Variants in FARS2 observed in about 807,000 individuals in gnomAD.
The protein encoded by FARS2 is phenylalanyl-tRNA synthetase 2, mitochondrial, also known as phenylalanine--tRNA ligase, mitochondrial.
In FARS2, 40 loss-of-function variants were observed where a neutral mutation model predicts 46.4. The observed-to-expected ratio is 0.86, with a 90% CI of 0.67 to 1.12. FARS2 has a LOEUF of 1.12. FARS2 is among the 50% of genes most tolerant of loss of function. The pLI, the probability that FARS2 is intolerant of heterozygous loss-of-function variation, is 0.00. For missense variants in FARS2, 513 were observed against 567.9 expected, an observed-to-expected ratio of 0.90 and a Z score of 0.98; for synonymous variants, 234 against 214.9, an observed-to-expected ratio of 1.09 and a Z score of -0.78.
chr6:5,561,092 C>T (rs1771954194), intron 5 of FARS2, among the ~76,000 whole-genome samples: 1 of 152,172 alleles, frequency 6.6e-6, no homozygotes, highest in African/African-American at 2.4e-5. Context: ...GATCATGCCA[C>T]TGCACGCCAG....
intron 2 of FARS2, among the ~76,000 whole-genome samples, chr6:5,382,427 C>G (rs570273293): frequency 6.6e-6 from 1 of 152,190 alleles, no homozygotes; most frequent in African/African-American, 2.4e-5. Context: ...GTATCCCTCT[C>G]CTTTGGTAAT....
At chr6:5,607,281 A>ATGTG (rs752038841) in intron 5 of FARS2, among the ~76,000 whole-genome samples, 69 of 147,490 alleles carry the variant, frequency 4.7e-4, no homozygotes, top group African/African-American at 1.7e-3. Context: ...AAAGAATAAT[A>ATGTG]TGTATGTGTG....
At chr6:5,760,711 T>C (rs992774371) in intron 6 of FARS2, among the ~76,000 whole-genome samples, 1 of 152,256 alleles carries the variant, frequency 6.6e-6, no homozygotes, top group Non-Finnish European at 1.5e-5. Flanking sequence ...TTGCGATTCC[T>C]TGGACTGGTC....
At chr6:5,260,822 C>G, upstream of FARS2, 3 of 1,524,762 alleles carry the variant, frequency 2.0e-6, no homozygotes, top group Non-Finnish European at 2.6e-6. Flanking sequence ...GCGGAAACCA[C>G]GAACGAAATA....
chr6:5,443,067 T>C (rs200201), intron 4 of FARS2, among the ~76,000 whole-genome samples: 86,930 of 152,054 alleles, frequency 0.57, 25,590 homozygotes, highest in Non-Finnish European at 0.64. Flanking sequence ...AGGTCTTGTA[T>C]GCTTGCCAGA....
intron 6 of FARS2, among the ~76,000 whole-genome samples, chr6:5,690,277 C>A (rs1475860996): frequency 2.0e-5 from 3 of 152,100 alleles, no homozygotes; most frequent in African/African-American, 7.2e-5. Flanking sequence ...TAGTTGATGC[C>A]GTTTCTTCCT....
chr6:5,616,296 T>C (rs1477194419), intron 6 of FARS2, among the ~76,000 whole-genome samples: 1 of 152,174 alleles, frequency 6.6e-6, no homozygotes, highest in African/African-American at 2.4e-5. Flanking sequence ...AGAAAGAAAT[T>C]TCCAGGAGTT....
chr6:5,515,733 A>G (rs1468668338), intron 4 of FARS2, among the ~76,000 whole-genome samples: 4 of 152,170 alleles, frequency 2.6e-5, no homozygotes, highest in African/African-American at 4.8e-5. Context: ...CCAGCCCAGC[A>G]TTTGATTTTG....
intron 1 of FARS2, among the ~76,000 whole-genome samples, chr6:5,278,531 C>A (rs113395105): frequency 1.3e-5 from 2 of 151,988 alleles, no homozygotes; most frequent in East Asian, 3.9e-4. Context: ...TTGAAAGAAG[C>A]CTTATTTTTA....
chr6:5,553,149 C>CT (rs1317941103), intron 5 of FARS2, among the ~76,000 whole-genome samples: 5 of 152,182 alleles, frequency 3.3e-5, no homozygotes, highest in African/African-American at 7.2e-5. Context: ...TGGCTGTTAT[C>CT]TTTTTTGCCA....
intron 5 of FARS2, among the ~76,000 whole-genome samples, chr6:5,601,339 T>C (rs759562653): frequency 2.6e-5 from 4 of 151,626 alleles, no homozygotes; most frequent in East Asian, 3.9e-4. Flanking sequence ...CTGACCAACA[T>C]GGAGAAACCC....
intron 6 of FARS2, among the ~76,000 whole-genome samples, chr6:5,679,696 A>T (rs1358225625): frequency 1.3e-5 from 2 of 151,986 alleles, no homozygotes; most frequent in African/African-American, 2.4e-5. Flanking sequence ...ATAATCTCTT[A>T]CTCTCCATCC....
chr6:5,593,290 C>T (rs1774019524), intron 5 of FARS2, among the ~76,000 whole-genome samples: 2 of 137,694 alleles, frequency 1.5e-5, no homozygotes, highest in African/African-American at 7.2e-5. Context: ...AGGAACTGCA[C>T]CTCCCGCCCC....
intron 1 of FARS2, among the ~76,000 whole-genome samples, chr6:5,279,994 C>G (rs1265196033): frequency 6.6e-6 from 1 of 152,362 alleles, no homozygotes; most frequent in South Asian, 2.1e-4. Flanking sequence ...CTAACCGTTA[C>G]ACTAGGCAAA....
intron 1 of FARS2, among the ~76,000 whole-genome samples, chr6:5,306,913 T>G (rs1200418431): frequency 5.9e-5 from 9 of 151,430 alleles, no homozygotes; most frequent in African/African-American, 2.2e-4. Flanking sequence ...ATTTTTTAAC[T>G]GATAAATACG....
chr6:5,659,175 A>G (rs985203213), intron 6 of FARS2, among the ~76,000 whole-genome samples: 2 of 152,200 alleles, frequency 1.3e-5, no homozygotes, highest in African/African-American at 4.8e-5. Context: ...CTGCTTGTTC[A>G]CATGGTTAAT....
chr6:5,592,521 C>T (rs1231361352), intron 5 of FARS2, among the ~76,000 whole-genome samples: 2 of 152,146 alleles, frequency 1.3e-5, no homozygotes, highest in African/African-American at 4.8e-5. Context: ...CCCTTGAAAA[C>T]AGTGGTGTGA....
intron 4 of FARS2, among the ~76,000 whole-genome samples, chr6:5,507,598 C>A (rs764474077): frequency 2.6e-5 from 4 of 152,120 alleles, no homozygotes; most frequent in Admixed American, 2.6e-4. Context: ...TTTAAGAGAA[C>A]GTGAAGAGGA....
At chr6:5,420,895 T>C (rs1233617142) in intron 3 of FARS2, among the ~76,000 whole-genome samples, 1 of 152,032 alleles carries the variant, frequency 6.6e-6, no homozygotes, top group Non-Finnish European at 1.5e-5. Flanking sequence ...GGCTCCTGGT[T>C]CTTCTTGGTT....
Sources: allele counts gnomAD v4.1 joint callset (sites outside exome capture counted in the v4.1 genomes callset), GRCh38; gene constraint gnomAD v4.1.1; transcripts MANE v1.5; gene names NCBI Gene and HGNC (gene_info 2026-07-23, HGNC 2026-07-21).